Variants in GPRC5C observed in about 807,000 individuals in gnomAD.
GPRC5C encodes G protein-coupled receptor class C group 5 member C, also known as G protein-coupled receptor family C group 5 member C.
Under a neutral mutation model 31.4 loss-of-function variants are expected in GPRC5C, and 22 were observed. That is an observed-to-expected ratio of 0.70 (90% CI 0.50 to 1.00). The LOEUF is 1.00. GPRC5C is among the 50% of genes least tolerant of loss of function. The probability of loss-of-function intolerance (pLI) is 0.00; values close to 1 mark genes in which losing one functional copy is unlikely to be tolerated. For missense variants in GPRC5C, 557 were observed against 597.2 expected, an observed-to-expected ratio of 0.93 and a Z score of 0.70; for synonymous variants, 249 against 257.5, an observed-to-expected ratio of 0.97 and a Z score of 0.32.
In GPRC5C at chr17:74,447,200, C is replaced by T. The variant is rs1353537620; in HGVS notation, c.*172C>T. On this transcript the variant is annotated 3_prime_UTR_variant, in exon 4 of 4. Coordinates refer to ENST00000392627, the MANE Select transcript of GPRC5C (RefSeq NM_022036.4). ...TTTGGGTGGGTGTCATGGGTGTCCC[C>T]ACCCACTCCTCAGTGTTTGTGGAGT... The T allele has an allele frequency of 3.6e-6, 5 of 1,396,282 alleles. No individual in the cohort carries two copies. Among genetic ancestry groups the T allele is most frequent in the African/African-American group, 1.5e-5 (1 of 68,306 alleles). 86.5% of individuals were successfully genotyped at this position (1,396,282 alleles called of 1,614,324 possible).
downstream of GPRC5C, among the ~76,000 whole-genome samples, chr17:74,448,647 A>T (rs2055678098): frequency 1.3e-5 from 2 of 152,110 alleles, no homozygotes; most frequent in African/African-American, 2.4e-5. Flanking sequence ...CTGGAGTACT[A>T]GGGTTACAGG....
chr17:74,441,180 G>T (rs577325883), intron 2 of GPRC5C, among the ~76,000 whole-genome samples: 95 of 152,182 alleles, frequency 6.2e-4, no homozygotes, highest in Admixed American at 1.0e-3. Flanking sequence ...GGGAGGCTGA[G>T]GCGGGAGAAT....
chr17:74,433,137 G>C (rs2055380390), intron 1 of GPRC5C, among the ~76,000 whole-genome samples: 1 of 152,064 alleles, frequency 6.6e-6, no homozygotes, highest in Admixed American at 6.6e-5. Flanking sequence ...CACGCTGGAA[G>C]ACCCAATCAC....
rs775808981 is a variant in GPRC5C at position 74,440,177 on chromosome 17, T to C, written c.401T>C (p.Leu134Pro). ...GVLFAICFSC[L>P]AAHVFALNFL... The stretch of plus-strand genomic sequence containing the variant: ...CTGTTCGCCATCTGCTTCTCTTGTC[T>C]GGCGGCTCACGTCTTTGCCCTCAAC... Residue 134 changes from leucine (L) to proline (P), a missense_variant, in exon 2 of 4, where the codon CTG becomes CCG. Transcript: ENST00000392627. The surrounding 1 kb of genome is among the most constrained non-coding windows in gnomAD (Gnocchi z 4.4). The C allele has an allele frequency of 7.4e-6, 12 of 1,614,094 alleles. No individual in the cohort carries two copies. Among genetic ancestry groups the C allele is most frequent in the Non-Finnish European group, 1.0e-5 (12 of 1,180,028 alleles).
At chr17:74,433,804 T>C in intron 1 of GPRC5C, 1 of 1,359,226 alleles carries the variant, frequency 7.4e-7, no homozygotes, top group Non-Finnish European at 1.1e-6. Context: ...GAGCTCTCTT[T>C]CCAGTGCGGT....
At chr17:74,436,166 A>G (rs2144407679) in intron 1 of GPRC5C, among the ~76,000 whole-genome samples, 1 of 152,328 alleles carries the variant, frequency 6.6e-6, no homozygotes, top group Non-Finnish European at 1.5e-5. Context: ...GTCAGCCAGC[A>G]GCTGCAGCCT....
rs999735752 is a variant in GPRC5C at position 74,440,888 on chromosome 17, A to G, written c.1051+61A>G. On this transcript the variant is annotated intron_variant, in intron 2 of 3. Transcript: ENST00000392627. The surrounding 1 kb of genome is among the most constrained non-coding windows in gnomAD (Gnocchi z 4.4). ...TCCATCCCATGTCTTTTACTGCAGG[A>G]CAGGGAGCCAGTCTCTTGAGCAAAA... 1 of 1,378,010 alleles carries G rather than the reference A, an allele frequency of 7.3e-7. No homozygotes were observed. 85.4% of individuals were successfully genotyped at this position (1,378,010 alleles called of 1,614,324 possible). A position where few individuals can be genotyped will look rare whatever the true frequency, so the allele number is the denominator to read the frequency against.
rs373834190 is a variant in GPRC5C, at chr17:74,443,190, C to T, written c.1052-628C>T. 2.1e-4 allele frequency: 40 copies of T among 194,262 alleles called. No individual in the cohort carries two copies. The East Asian group carries it at 7.0e-3, about 34-fold the overall frequency. 12.0% of individuals were successfully genotyped at this position (194,262 alleles called of 1,614,324 possible). ...GGAGTGCCCAGCAGGGCGGAACACA[C>T]CGGGAAACCAACACCCCAAAGGCAC... On this transcript the variant is annotated intron_variant, in intron 2 of 3. Coordinates refer to ENST00000392627, the MANE Select transcript of GPRC5C (RefSeq NM_022036.4).
chr17:74,432,430 C>G, intron 1 of GPRC5C: 4 of 1,132,026 alleles, frequency 3.5e-6, no homozygotes, highest in Non-Finnish European at 3.2e-6. Context: ...CCCAGCGCCC[C>G]GCGCCGCGTC....
intron 1 of GPRC5C, among the ~76,000 whole-genome samples, chr17:74,434,449 A>G (rs898295056): frequency 2.6e-5 from 4 of 152,194 alleles, no homozygotes; most frequent in Non-Finnish European, 5.9e-5. Context: ...ACCAGCTTCA[A>G]AGACCTTACA....
At chr17:74,444,874 T>C (rs1288687363) in intron 3 of GPRC5C, among the ~76,000 whole-genome samples, 1 of 152,070 alleles carries the variant, frequency 6.6e-6, no homozygotes, top group African/African-American at 2.4e-5. Flanking sequence ...TGATCTGGAT[T>C]AACAGGGATA....
chr17:74,439,762 G>A lies in GPRC5C; in HGVS notation c.-15G>A. On this transcript the variant is annotated 5_prime_UTR_variant, in exon 2 of 4. Coordinates refer to ENST00000392627, the MANE Select transcript of GPRC5C (RefSeq NM_022036.4). Reference sequence around the variant, plus strand: ...GTCTCTAGGGACCCAACCAGAGCCTGGCCTGGGAGCCAGGATGGCCATCCA... The same window carrying A: ...GTCTCTAGGGACCCAACCAGAGCCTAGCCTGGGAGCCAGGATGGCCATCCA... 6.2e-7 allele frequency: 1 copy of A among 1,608,448 alleles called. No homozygotes were observed. Among genetic ancestry groups the A allele is most frequent in the South Asian group, 1.1e-5 (1 of 90,862 alleles).
At chr17:74,448,478 A>G (rs1232726835), downstream of GPRC5C, among the ~76,000 whole-genome samples, 1 of 152,134 alleles carries the variant, frequency 6.6e-6, no homozygotes, top group Non-Finnish European at 1.5e-5. Context: ...CCCAGGTTCA[A>G]GCAATTCTCC....
chr17:74,448,876 ACT>A (rs1438991302), downstream of GPRC5C: 3 of 1,289,478 alleles, frequency 2.3e-6, no homozygotes, highest in Admixed American at 6.9e-5. Flanking sequence ...TTTTCCTAAG[ACT>A]CTGACGTCCA....
Position 74,440,669 on chromosome 17 carries a change from C to G in GPRC5C, c.893C>G (p.Pro298Arg). 2 of 1,608,174 alleles carry G rather than the reference C, an allele frequency of 1.2e-6. No homozygotes were observed. The highest frequency in any genetic ancestry group is 8.5e-7 in the Non-Finnish European group (1 of 1,175,186). ...GCCTTCGTCCTCTTCTACGTCATCC[C>G]CGAGGTCTCCCAGGTGACCAAGTCC... ...AWAFVLFYVIPEVSQVTKSSP... is the reference protein window; with the variant it reads ...AWAFVLFYVIREVSQVTKSSP... Residue 298 changes from proline (P) to arginine (R), a missense_variant, in exon 2 of 4, where the codon CCC becomes CGC. Coordinates refer to ENST00000392627, the MANE Select transcript of GPRC5C (RefSeq NM_022036.4). This position sits in a 1 kb window ranked among gnomAD's most constrained non-coding sequence, Gnocchi z 4.4.
chr17:74,437,446 G>A (rs2144411111), intron 1 of GPRC5C, among the ~76,000 whole-genome samples: 1 of 152,276 alleles, frequency 6.6e-6, no homozygotes, highest in South Asian at 2.1e-4. Flanking sequence ...TCTTAAGCAA[G>A]CTTAATTGAA....
intron 1 of GPRC5C, among the ~76,000 whole-genome samples, chr17:74,433,058 C>A (rs537448332): frequency 6.6e-6 from 1 of 152,200 alleles, no homozygotes; most frequent in African/African-American, 2.4e-5. Context: ...GCCCCTAGAT[C>A]CCGAACCCCC....
At chr17:74,436,416 G>C (rs1303463920) in intron 1 of GPRC5C, among the ~76,000 whole-genome samples, 1 of 152,022 alleles carries the variant, frequency 6.6e-6, no homozygotes. Context: ...AAAACTCTGC[G>C]GAACAGTCTT....
intron 3 of GPRC5C, among the ~76,000 whole-genome samples, chr17:74,444,943 G>C (rs79354479): frequency 5.1e-4 from 77 of 152,242 alleles, no homozygotes; most frequent in Non-Finnish European, 7.4e-4. Context: ...GCCTCACCTG[G>C]GAGCCTGCTC....
Sources: allele counts gnomAD v4.1 joint callset (sites outside exome capture counted in the v4.1 genomes callset), GRCh38; gene constraint gnomAD v4.1.1; non-coding constraint Gnocchi (gnomAD v3.1); transcripts MANE v1.5; gene names NCBI Gene and HGNC (gene_info 2026-07-23, HGNC 2026-07-21).